SFMBT2: variants seen among roughly 807,000 people sequenced by gnomAD.
SFMBT2 encodes scm-like with four MBT domains protein 2.
A neutral mutation model predicts 110.1 loss-of-function variants in SFMBT2; 38 were observed. The observed-to-expected ratio is 0.35, with a 90% CI of 0.27 to 0.45. The LOEUF is 0.45. Ranked by LOEUF, SFMBT2 falls within the 20% of genes least tolerant of loss-of-function variation. The pLI is 1.00. For synonymous variants in SFMBT2, 425 were observed against 425.4 expected (o/e 1.00, Z 0.01); for missense variants, 1,011 against 1,094.9 (o/e 0.92, Z 1.08).
rs553691178 is a variant in SFMBT2 at position 7,216,586 on chromosome 10, G to A, written c.1330+3825C>T. Among the ~76,000 whole-genome samples the A allele has an allele frequency of 6.6e-5, 10 of 152,194 alleles. No homozygotes were observed. In the East Asian group the frequency reaches 1.5e-3, roughly 24 times the overall value. On this transcript the variant is annotated intron_variant, in intron 11 of 20. Coordinates refer to ENST00000397167, the MANE Select transcript of SFMBT2 (RefSeq NM_001387889.1). ...TAATACAGTGGCTCAAGTGACTACC[G>A]AGCTATCTTGCTGTCCCCTCCTTGC...
rs780856995 is a variant in SFMBT2 at position 7,327,680 on chromosome 10, C to CAA, written c.436+39967_436+39968dup. On this transcript the variant is annotated intron_variant, in intron 4 of 20. Transcript: ENST00000397167. ...TGGGAGACAGAGCGAGACTCTAACT[C>CAA]AAAAAAAAAAAAAAAAGAACGTCAT... is the stretch of plus-strand genomic sequence containing the variant. Among the ~76,000 whole-genome samples the CAA allele has an allele frequency of 8.0e-3, 790 of 99,156 alleles. 4 individuals carry two copies. Among genetic ancestry groups the CAA allele is most frequent in the African/African-American group, 0.027 (740 of 27,488 alleles). 65.1% of individuals were successfully genotyped at this position (99,156 alleles called of 152,430 possible).
At chr10:7,331,590 T>C (rs1018482060) in intron 4 of SFMBT2, among the ~76,000 whole-genome samples, 1 of 152,170 alleles carries the variant, frequency 6.6e-6, no homozygotes, top group Non-Finnish European at 1.5e-5. Flanking sequence ...ACTGCCGCCC[T>C]GTCCACTGTG....
chr10:7,366,541 C>T (rs80017088), intron 4 of SFMBT2, among the ~76,000 whole-genome samples: 1 of 151,942 alleles, frequency 6.6e-6, no homozygotes, highest in Non-Finnish European at 1.5e-5. Flanking sequence ...CAAGTTTATA[C>T]GTCACTTCAA....
chr10:7,374,848 C>T (rs1484487142), intron 2 of SFMBT2, among the ~76,000 whole-genome samples: 3 of 152,192 alleles, frequency 2.0e-5, no homozygotes, highest in African/African-American at 7.2e-5. Context: ...AAATGGGTCA[C>T]GTACAACCCT....
intron 4 of SFMBT2, among the ~76,000 whole-genome samples, chr10:7,362,333 T>C (rs1844749049): frequency 6.6e-6 from 1 of 152,206 alleles, no homozygotes; most frequent in African/African-American, 2.4e-5. Flanking sequence ...GCTGCCGCCA[T>C]GCTGTTTCTC....
chr10:7,227,453 G>A (rs989238002), intron 10 of SFMBT2, among the ~76,000 whole-genome samples: 2 of 152,236 alleles, frequency 1.3e-5, no homozygotes, highest in African/African-American at 4.8e-5. Flanking sequence ...CCAGTAGAAA[G>A]TAAACAGCAA....
Position 7,186,358 on chromosome 10 carries a change from G to A in SFMBT2, c.1808+2266C>T, listed in dbSNP as rs578248218. ...CAACAGCTCCCATAATCAACCAAGA[G>A]GACTGAATGTCATATGTATATATGA... On this transcript the variant is annotated intron_variant, in intron 16 of 20. Coordinates refer to ENST00000397167, the MANE Select transcript of SFMBT2 (RefSeq NM_001387889.1). Among the ~76,000 whole-genome samples, 19 of 149,886 alleles carry A rather than the reference G, an allele frequency of 1.3e-4. No individual in the cohort carries two copies. The South Asian group carries it at 4.0e-3, about 32-fold the overall frequency.
chr10:7,306,599 A>T lies in SFMBT2; in HGVS notation c.437-20645T>A, dbSNP rs143901820. On this transcript the variant is annotated intron_variant, in intron 4 of 20. Transcript: ENST00000397167. The stretch of plus-strand genomic sequence containing the variant: ...GAAGCAGGTATTCTAAGAGTAGGAT[A>T]CAATGGATCAGATAATATCTATAAT... Among the ~76,000 whole-genome samples the T allele has an allele frequency of 9.1e-3, 1,380 of 152,324 alleles. 25 individuals are homozygous for T. The highest frequency in any genetic ancestry group is 0.031 in the African/African-American group (1,307 of 41,560).
chr10:7,385,690 G>A (rs1265777727), intron 1 of SFMBT2, among the ~76,000 whole-genome samples: 1 of 152,198 alleles, frequency 6.6e-6, no homozygotes, highest in African/African-American at 2.4e-5. Flanking sequence ...AAGGCAGGGA[G>A]GGATTCCAGT....
intron 4 of SFMBT2, among the ~76,000 whole-genome samples, chr10:7,335,487 T>C (rs1385789285): frequency 6.6e-6 from 1 of 152,004 alleles, no homozygotes; most frequent in Non-Finnish European, 1.5e-5. Context: ...CCGGTTGCTA[T>C]GGAGAATCTG....
chr10:7,265,955 T>C (rs1369225935), intron 7 of SFMBT2, among the ~76,000 whole-genome samples: 3 of 152,236 alleles, frequency 2.0e-5, no homozygotes, highest in Non-Finnish European at 4.4e-5. Flanking sequence ...AAAAAACTAT[T>C]TAAATTAAAT....
rs149004534 is a variant in SFMBT2, at chr10:7,407,080, C to T, written c.-52+3781G>A. On this transcript the variant is annotated intron_variant, in intron 1 of 20. Coordinates refer to ENST00000397167, the MANE Select transcript of SFMBT2 (RefSeq NM_001387889.1). ...GCAAGAGCAAAGATAAGATCTGAGA[C>T]GGTATTTATTTATGGAAGGGAGAAA... Among the ~76,000 whole-genome samples the T allele has an allele frequency of 7.8e-4, 119 of 152,110 alleles. 1 individual carries two copies. Among genetic ancestry groups the T allele is most frequent in the Middle Eastern group, 6.8e-3 (2 of 294 alleles).
chr10:7,305,891 G>A (rs1842679728), intron 4 of SFMBT2, among the ~76,000 whole-genome samples: 1 of 152,246 alleles, frequency 6.6e-6, no homozygotes, highest in African/African-American at 2.4e-5. Context: ...GTGTGGGGAA[G>A]TAAAACAAAA....
intron 7 of SFMBT2, among the ~76,000 whole-genome samples, chr10:7,268,113 T>C (rs1356646965): frequency 2.0e-5 from 3 of 152,164 alleles, no homozygotes; most frequent in Admixed American, 2.0e-4. Flanking sequence ...AAAAGTAATA[T>C]GGAGGCTCGT....
At chr10:7,253,273 A>T (rs1250086189) in intron 7 of SFMBT2, among the ~76,000 whole-genome samples, 4 of 152,262 alleles carry the variant, frequency 2.6e-5, no homozygotes, top group Admixed American at 2.6e-4. Context: ...GAAAACTATC[A>T]AATCCAAGGA....
At chr10:7,286,905 T>G (rs556914860) in intron 4 of SFMBT2, among the ~76,000 whole-genome samples, 2 of 151,918 alleles carry the variant, frequency 1.3e-5, no homozygotes. Context: ...GCTTAACAAA[T>G]GGGACATCTC....
At chr10:7,405,233 A>C (rs1244862649) in intron 1 of SFMBT2, among the ~76,000 whole-genome samples, 1 of 152,222 alleles carries the variant, frequency 6.6e-6, no homozygotes, top group African/African-American at 2.4e-5. Flanking sequence ...CATGAGGTCC[A>C]AGCACCCTCC....
At chr10:7,176,594 C>A (rs541314778) in intron 16 of SFMBT2, 94 of 662,748 alleles carry the variant, frequency 1.4e-4, no homozygotes, top group Non-Finnish European at 1.7e-4. Context: ...GAAAACCATG[C>A]AAATTCAGAA....
At chr10:7,321,743 A>G (rs1401427508) in intron 4 of SFMBT2, among the ~76,000 whole-genome samples, 1 of 152,190 alleles carries the variant, frequency 6.6e-6, no homozygotes, top group Non-Finnish European at 1.5e-5. Flanking sequence ...TATAGCTTTA[A>G]GCTATGAACT....
Sources: gnomAD v4.1 joint callset for allele counts (sites outside exome capture counted in the v4.1 genomes callset) on GRCh38, gnomAD v4.1.1 for gene constraint, MANE v1.5 for transcripts, NCBI Gene and HGNC (gene_info 2026-07-23, HGNC 2026-07-21) for gene names.